The following POT1 variants were observed in gnomAD, a reference collection of about 807,000 sequenced individuals.
POT1 encodes the protein protection of telomeres protein 1.
Under a neutral mutation model 78.5 loss-of-function variants are expected in POT1, and 47 were observed. The observed-to-expected ratio is 0.60, with a 90% CI of 0.47 to 0.76. The LOEUF is 0.76. Ranked by LOEUF, POT1 falls within the 30% of genes least tolerant of loss-of-function variation. The pLI, the probability that POT1 is intolerant of heterozygous loss-of-function variation, is 0.00. For synonymous variants in POT1, 259 were observed against 260.7 expected (o/e 0.99, Z 0.06); for missense variants, 646 against 749.9 (o/e 0.86, Z 1.62).
At chr7:124,874,217 A>G (rs1795935514) in intron 6 of POT1, among the ~76,000 whole-genome samples, 1 of 152,140 alleles carries the variant, frequency 6.6e-6, no homozygotes, top group South Asian at 2.1e-4. Flanking sequence ...TCACCATCAC[A>G]TTAGGGAACC....
intron 8 of POT1, 103 bp downstream of exon 8, chr7:124,863,247 T>C (rs892707740): frequency 1.0e-5 from 12 of 1,154,704 alleles, no homozygotes; most frequent in African/African-American, 1.6e-5. Flanking sequence ...GTTCCTAGTA[T>C]AATACACAGC....
In POT1 at chr7:124,825,282, C is replaced by CCA; in HGVS notation, c.1760_1761dup (p.Asp588TrpfsTer9). ...TTTATTCCTGGAGGACAAAACATAT[C>CCA]CATGATCATATCCACACTTTTCTGA... On this transcript the variant is annotated frameshift_variant, in exon 18 of 19. Transcript: ENST00000357628. LOFTEE classifies it high-confidence loss of function. 6.2e-7 allele frequency: 1 copy of CCA among 1,609,186 alleles called. No homozygotes were observed. The highest frequency in any genetic ancestry group is 1.1e-5 in the South Asian group (1 of 89,906).
intron 11 of POT1, 24 bp downstream of exon 11, chr7:124,851,848 G>A (rs1437111205): frequency 1.4e-6 from 2 of 1,476,214 alleles, no homozygotes. Context: ...GAACTAAACT[G>A]TCAATGTTAA....
At chr7:124,858,480 A>C (rs1442264692) in intron 9 of POT1, among the ~76,000 whole-genome samples, 1 of 152,020 alleles carries the variant, frequency 6.6e-6, no homozygotes, top group Non-Finnish European at 1.5e-5. Context: ...CAGTATACAC[A>C]CACCCAATTT....
chr7:124,927,797 AC>A (rs1797311895), intron 2 of POT1, among the ~76,000 whole-genome samples: 1 of 151,998 alleles, frequency 6.6e-6, no homozygotes, highest in Non-Finnish European at 1.5e-5. Context: ...CTAAGTATGT[AC>A]CCCCTATTTT....
intron 2 of POT1, among the ~76,000 whole-genome samples, chr7:124,921,403 G>T (rs1370652750): frequency 6.6e-6 from 1 of 151,950 alleles, no homozygotes. Flanking sequence ...TCATTTAAAT[G>T]CAATTAAGTA....
chr7:124,925,089 A>G (rs1362141910), intron 2 of POT1, among the ~76,000 whole-genome samples: 1 of 152,104 alleles, frequency 6.6e-6, no homozygotes, highest in Non-Finnish European at 1.5e-5. Context: ...CTCTTACTCA[A>G]TATAGTACTG....
At chr7:124,824,389 G>A (rs1320470496) in intron 18 of POT1, among the ~76,000 whole-genome samples, 2 of 151,932 alleles carry the variant, frequency 1.3e-5, no homozygotes, top group African/African-American at 2.4e-5. Context: ...GGTCTACCAG[G>A]CCCATGCTTT....
At chr7:124,867,177 T>C (rs1202523210) in intron 7 of POT1, among the ~76,000 whole-genome samples, 1 of 152,170 alleles carries the variant, frequency 6.6e-6, no homozygotes, top group Non-Finnish European at 1.5e-5. Context: ...TTAGTCTACT[T>C]CTATTTCCAC....
At chr7:124,825,398 T>C in intron 17 of POT1, 41 bp from the exon 18 acceptor site, 1 of 1,195,474 alleles carries the variant, frequency 8.4e-7, no homozygotes, top group Admixed American at 1.9e-5. Context: ...GGAAATAATA[T>C]TAATCCTTTT....
At chr7:124,843,074 T>A (rs912790599) in intron 12 of POT1, 111 bp from the exon 13 acceptor site, 3 of 769,088 alleles carry the variant, frequency 3.9e-6, no homozygotes, top group Non-Finnish European at 5.8e-6. Context: ...CTCTATTAAG[T>A]GTCACTCCAT....
At chr7:124,901,684 T>C (rs1323921417) in intron 3 of POT1, among the ~76,000 whole-genome samples, 1 of 152,174 alleles carries the variant, frequency 6.6e-6, no homozygotes, top group Non-Finnish European at 1.5e-5. Flanking sequence ...ATAACTTTGA[T>C]GAGTTGGCAG....
Position 124,825,341 on chromosome 7 carries a change from A to C in POT1, c.1703T>G (p.Ile568Ser), listed in dbSNP as rs543210278. The change falls in exon 18 of 19, where the codon ATT (isoleucine) becomes AGT (serine). Residue 568 changes from isoleucine (I) to serine (S), a missense_variant. Physicochemically the swap from Ile to Ser is moderately radical, Grantham distance 142. Around this residue, in one of 2 missense-constraint regions of POT1, gnomAD observed 394 missense variants for 408.4 expected, o/e 0.96. Coordinates refer to ENST00000357628, the MANE Select transcript of POT1 (RefSeq NM_015450.3). ...YLMDSDKFFQ[I>S]PASEVLMDDD... ...ATCCATCAGAACTTCTGATGCTGGAATCTGGAAGAATTTGTCCTTAAAAAT... is the reference window on the plus strand; with the variant it reads ...ATCCATCAGAACTTCTGATGCTGGACTCTGGAAGAATTTGTCCTTAAAAAT... 1 of 1,605,208 alleles carries C rather than the reference A, an allele frequency of 6.2e-7. No individual in the cohort carries two copies. The highest frequency in any genetic ancestry group is 1.1e-5 in the South Asian group (1 of 89,150).
chr7:124,827,128 G>A, intron 17 of POT1, 86 bp downstream of exon 17: 1 of 699,744 alleles, frequency 1.4e-6, no homozygotes, highest in Non-Finnish European at 2.1e-6. Context: ...AGTCCTTTTA[G>A]GAACAAAGCA....
intron 3 of POT1, among the ~76,000 whole-genome samples, chr7:124,914,006 G>A (rs1008268835): frequency 2.0e-5 from 3 of 151,902 alleles, no homozygotes; most frequent in Middle Eastern, 3.4e-3. Context: ...ATGGTGGTAC[G>A]CGTCTGTAGT....
chr7:124,837,588 T>C (rs1314923114), intron 14 of POT1, among the ~76,000 whole-genome samples: 3 of 151,992 alleles, frequency 2.0e-5, no homozygotes, highest in Non-Finnish European at 2.9e-5. Flanking sequence ...AATAATAATC[T>C]TGAAAAAAGT....
chr7:124,853,969 C>A (rs562514731), intron 9 of POT1, among the ~76,000 whole-genome samples: 3 of 152,028 alleles, frequency 2.0e-5, no homozygotes, highest in African/African-American at 7.2e-5. Flanking sequence ...GAGTTACAAA[C>A]AAGGAAATTT....
chr7:124,876,607 T>C (rs1353384614), intron 6 of POT1, among the ~76,000 whole-genome samples: 2 of 152,132 alleles, frequency 1.3e-5, no homozygotes, highest in Non-Finnish European at 2.9e-5. Context: ...CTTACGCAAT[T>C]TGGTTCAAAA....
intron 7 of POT1, 119 bp from the exon 8 acceptor site, chr7:124,863,759 AT>A: frequency 1.3e-6 from 1 of 762,598 alleles, no homozygotes; most frequent in Non-Finnish European, 2.1e-6. Flanking sequence ...AAGAGAGGGC[AT>A]TTTTTAAAAA....
Sources: gnomAD v4.1 joint callset for allele counts (sites outside exome capture counted in the v4.1 genomes callset) on GRCh38, gnomAD v4.1.1 for gene constraint, gnomAD v4.1.1 regional missense constraint, MANE v1.5 for transcripts, NCBI Gene and HGNC (gene_info 2026-07-23, HGNC 2026-07-21) for gene names.